NAV3: variants seen among roughly 807,000 people sequenced by gnomAD.
NAV3 encodes pore membrane and/or filament interacting like protein 1.
NAV3 carries 87 observed loss-of-function variants against 244.7 expected under a neutral mutation model. That is an observed-to-expected ratio of 0.36 (90% CI 0.30 to 0.42). The LOEUF is 0.42. Among genes scored for constraint, NAV3 ranks in the 20% least tolerant of loss-of-function variants. NAV3 has a pLI of 1.00. For synonymous variants in NAV3, 1,126 were observed against 1,042.2 expected (o/e 1.08, Z -1.55); for missense variants, 2,663 against 2,893.3 (o/e 0.92, Z 1.83).
At chr12:78,195,609 C>G (rs916911285) in intron 34 of NAV3, among the ~76,000 whole-genome samples, 1 of 151,990 alleles carries the variant, frequency 6.6e-6, no homozygotes, top group Non-Finnish European at 1.5e-5. Context: ...TGGAATTAAT[C>G]TCTTTCCCTC....
chr12:77,748,085 A>G (rs1188838443), intron 2 of NAV3, among the ~76,000 whole-genome samples: 1 of 152,246 alleles, frequency 6.6e-6, no homozygotes, highest in East Asian at 1.9e-4. Flanking sequence ...TTATGTTTCA[A>G]AAGTAATCAG....
intron 1 of NAV3, among the ~76,000 whole-genome samples, chr12:77,896,595 T>C (rs542709380): frequency 6.6e-6 from 1 of 152,324 alleles, no homozygotes; most frequent in South Asian, 2.1e-4. Context: ...GGAAAAATAT[T>C]TCTCTACTAA....
intron 6 of NAV3, among the ~76,000 whole-genome samples, chr12:77,996,376 A>AAAG (rs1279031043): frequency 6.6e-6 from 1 of 152,232 alleles, no homozygotes; most frequent in Non-Finnish European, 1.5e-5. Flanking sequence ...CTCTTAAGCA[A>AAAG]AAGTTAAATG....
chr12:77,706,714 CA>C (rs559174142), intron 2 of NAV3, among the ~76,000 whole-genome samples: 4 of 149,686 alleles, frequency 2.7e-5, no homozygotes, highest in Non-Finnish European at 4.4e-5. Context: ...AATAAAAATA[CA>C]AAAAAATTAG....
chr12:78,144,136 T>C (rs1172175907), intron 20 of NAV3, among the ~76,000 whole-genome samples: 1 of 152,224 alleles, frequency 6.6e-6, no homozygotes, highest in Non-Finnish European at 1.5e-5. Context: ...TTAAAAACTA[T>C]ATTTAACCTG....
intron 2 of NAV3, among the ~76,000 whole-genome samples, chr12:77,696,344 C>T (rs1055279861): frequency 2.6e-5 from 4 of 152,082 alleles, no homozygotes; most frequent in Admixed American, 2.0e-4. Flanking sequence ...AAACAAGCTG[C>T]TATGTTGGAG....
At chr12:78,096,415 G>A (rs35873111) in intron 12 of NAV3, among the ~76,000 whole-genome samples, 19,128 of 152,078 alleles carry the variant, frequency 0.13, 1,230 homozygotes, top group African/African-American at 0.14. Flanking sequence ...GGGCTGCCCA[G>A]TTTATCAGAT....
chr12:77,659,263 G>GA (rs1873301828), intron 2 of NAV3, among the ~76,000 whole-genome samples: 2 of 151,260 alleles, frequency 1.3e-5, no homozygotes, highest in East Asian at 1.9e-4. Flanking sequence ...AAATTTACAA[G>GA]AAAAAAACAA....
At chr12:78,082,330 CATT>C (rs1953399760) in intron 12 of NAV3, among the ~76,000 whole-genome samples, 1 of 152,120 alleles carries the variant, frequency 6.6e-6, no homozygotes, top group Admixed American at 6.5e-5. Flanking sequence ...CAGGCATATG[CATT>C]ATATTTTCAA....
intron 12 of NAV3, among the ~76,000 whole-genome samples, chr12:78,090,597 T>C (rs1442415796): frequency 6.6e-6 from 1 of 152,100 alleles, no homozygotes; most frequent in Non-Finnish European, 1.5e-5. Context: ...GCCAGTATTG[T>C]GTACCTCATT....
At chr12:77,853,795 A>G (rs556534600) in intron 1 of NAV3, among the ~76,000 whole-genome samples, 1 of 152,238 alleles carries the variant, frequency 6.6e-6, no homozygotes, top group African/African-American at 2.4e-5. Context: ...TTAATATTTC[A>G]TAAGGTATAA....
intron 26 of NAV3, 77 bp downstream of exon 26, chr12:78,176,536 C>G: frequency 7.0e-7 from 1 of 1,421,356 alleles, no homozygotes; most frequent in Non-Finnish European, 9.9e-7. Context: ...TCCATTTTGG[C>G]AGTAGGCTTT....
intron 2 of NAV3, among the ~76,000 whole-genome samples, chr12:77,654,329 C>T (rs1011456988): frequency 5.9e-5 from 9 of 152,268 alleles, no homozygotes; most frequent in East Asian, 5.8e-4. Flanking sequence ...GAGGGTCCTA[C>T]GCCTACGGAG....
intron 11 of NAV3, 110 bp from the exon 12 acceptor site, chr12:78,058,886 A>C: frequency 1.2e-6 from 1 of 851,316 alleles, no homozygotes; most frequent in Non-Finnish European, 1.7e-6. Context: ...AAGATAATAG[A>C]ATATATTTGA....
intron 2 of NAV3, among the ~76,000 whole-genome samples, chr12:77,798,601 T>C (rs1422308462): frequency 6.6e-6 from 1 of 152,078 alleles, no homozygotes; most frequent in Non-Finnish European, 1.5e-5. Flanking sequence ...CTAAATGAAA[T>C]AATGTATGAA....
At chr12:78,058,715 CAA>C (rs1468820550) in intron 11 of NAV3, among the ~76,000 whole-genome samples, 1 of 151,908 alleles carries the variant, frequency 6.6e-6, no homozygotes, top group East Asian at 1.9e-4. Context: ...ATATTAATAA[CAA>C]AAGGGAAAAA....
intron 2 of NAV3, among the ~76,000 whole-genome samples, chr12:77,575,758 C>T (rs1032075717): frequency 2.6e-5 from 4 of 152,118 alleles, no homozygotes; most frequent in African/African-American, 9.7e-5. Flanking sequence ...CCCTGGAACA[C>T]TGTTTTATTG....
intron 2 of NAV3, among the ~76,000 whole-genome samples, chr12:77,702,986 T>TTCTTTATTTGGTTAATG (rs1875629524): frequency 6.6e-6 from 1 of 152,064 alleles, no homozygotes; most frequent in Admixed American, 6.6e-5. Context: ...GCCTCCATTT[T>TTCTTTATTTGGTTAATG]TCTTTATTTG....
intron 2 of NAV3, among the ~76,000 whole-genome samples, chr12:77,742,960 A>G (rs1868366780): frequency 6.6e-6 from 1 of 151,994 alleles, no homozygotes; most frequent in Non-Finnish European, 1.5e-5. Context: ...ATACCATGGG[A>G]TCCAAAGTGC....
Sources: allele counts gnomAD v4.1 joint callset (sites outside exome capture counted in the v4.1 genomes callset), GRCh38; gene constraint gnomAD v4.1.1; transcripts MANE v1.5; gene names NCBI Gene and HGNC (gene_info 2026-07-23, HGNC 2026-07-21).